Variants in PCCA observed in about 807,000 individuals in gnomAD.
PCCA encodes propionyl-CoA carboxylase alpha chain, mitochondrial.
Under a neutral mutation model 101.3 loss-of-function variants are expected in PCCA, and 74 were observed. The ratio of observed to expected loss-of-function variants is 0.73; its 90% CI spans 0.61 to 0.89. PCCA has a LOEUF of 0.89. Among genes scored for constraint, PCCA ranks in the 40% least tolerant of loss-of-function variants. The probability of loss-of-function intolerance (pLI) is 0.00; values close to 1 mark genes in which losing one functional copy is unlikely to be tolerated. For synonymous variants in PCCA, 294 were observed against 313.6 expected, an observed-to-expected ratio of 0.94 and a Z score of 0.66; for missense variants, 891 against 907.0, an observed-to-expected ratio of 0.98 and a Z score of 0.23.
chr13:100,173,101 A>G (rs536080127), intron 6 of PCCA, among the ~76,000 whole-genome samples: 2 of 152,278 alleles, frequency 1.3e-5, no homozygotes, highest in South Asian at 2.1e-4. Context: ...CAAAGGGACT[A>G]TATAAAGAGC....
At chr13:100,165,497 T>A (rs114159039) in intron 6 of PCCA, among the ~76,000 whole-genome samples, 1,765 of 151,822 alleles carry the variant, frequency 0.012, 42 homozygotes, top group African/African-American at 0.041. Flanking sequence ...AGTATTAATA[T>A]TTTTTCCCCT....
At chr13:100,255,361 A>C (rs1201688278) in intron 8 of PCCA, among the ~76,000 whole-genome samples, 1 of 152,202 alleles carries the variant, frequency 6.6e-6, no homozygotes, top group Non-Finnish European at 1.5e-5. Context: ...AGCAAGAATG[A>C]TTTCCATGTC....
chr13:100,260,459 C>T (rs553858433), intron 9 of PCCA, among the ~76,000 whole-genome samples: 7 of 148,898 alleles, frequency 4.7e-5, no homozygotes, highest in East Asian at 3.9e-4. Flanking sequence ...TGCAGTGGTG[C>T]GATCTCGGCT....
intron 7 of PCCA, among the ~76,000 whole-genome samples, chr13:100,216,217 G>C (rs915022599): frequency 2.6e-5 from 4 of 152,042 alleles, no homozygotes; most frequent in Non-Finnish European, 5.9e-5. Flanking sequence ...AAGTCATGTT[G>C]CTATCCTGGA....
intron 16 of PCCA, among the ~76,000 whole-genome samples, chr13:100,310,190 A>T (rs2066800425): frequency 6.6e-6 from 1 of 152,152 alleles, no homozygotes; most frequent in Non-Finnish European, 1.5e-5. Flanking sequence ...CTTTTTTCTT[A>T]CAGAAGTAAT....
rs555230527 is a variant in PCCA, at chr13:100,094,099, A to G, written c.105+4874A>G. 5.3e-5 allele frequency among the ~76,000 whole-genome samples: 8 copies of G among 151,296 alleles called. No individual in the cohort carries two copies. In the South Asian group the frequency reaches 1.7e-3, roughly 32 times the overall value. On this transcript the variant is annotated intron_variant, in intron 1 of 23. Transcript: ENST00000376285. ...CAAAATTAGCCGGGCATGGTGGCGCATGCCTGTAATCTCAGCTACTTGGGA... is the reference window on the plus strand; with the variant it reads ...CAAAATTAGCCGGGCATGGTGGCGCGTGCCTGTAATCTCAGCTACTTGGGA...
intron 1 of PCCA, among the ~76,000 whole-genome samples, chr13:100,090,917 G>C (rs1022483303): frequency 6.6e-6 from 1 of 152,128 alleles, no homozygotes; most frequent in African/African-American, 2.4e-5. Context: ...TGCTATCTAC[G>C]GTAAGGGAGT....
At chr13:100,477,517 G>C (rs746418227) in intron 21 of PCCA, 1 of 152,170 alleles carries the variant, frequency 6.6e-6, no homozygotes, top group Admixed American at 6.6e-5. Flanking sequence ...GTGCTCATTC[G>C]GGTAGTGCAG....
chr13:100,374,677 T>C (rs984067079), intron 19 of PCCA, among the ~76,000 whole-genome samples: 2 of 152,092 alleles, frequency 1.3e-5, no homozygotes, highest in African/African-American at 4.8e-5. Context: ...TAGTTAGAAA[T>C]TTGGCCTTCC....
intron 6 of PCCA, among the ~76,000 whole-genome samples, chr13:100,174,740 A>AT (rs2056072725): frequency 6.6e-6 from 1 of 151,344 alleles, no homozygotes; most frequent in African/African-American, 2.4e-5. Flanking sequence ...AAAAAAAAAA[A>AT]AGAAAAAAAA....
intron 21 of PCCA, among the ~76,000 whole-genome samples, chr13:100,509,826 T>TGTTTGTTTTG (rs1555326193): frequency 3.3e-5 from 5 of 149,568 alleles, no homozygotes; most frequent in East Asian, 4.0e-4. Flanking sequence ...TTTTGTGTTT[T>TGTTTGTTTTG]TTTTGTTTTG....
intron 12 of PCCA, among the ~76,000 whole-genome samples, chr13:100,277,761 T>C (rs926245426): frequency 6.6e-6 from 1 of 152,208 alleles, no homozygotes; most frequent in Admixed American, 6.5e-5. Flanking sequence ...TATTCTGCAG[T>C]GTAAGAGTAT....
rs183987106 is a variant in PCCA, at chr13:100,110,130, C to T, written c.184-1711C>T. Among the ~76,000 whole-genome samples, 334 of 152,150 alleles carry T rather than the reference C, an allele frequency of 2.2e-3. 1 individual carries two copies. The highest frequency in any genetic ancestry group is 7.6e-3 in the African/African-American group (317 of 41,450). ...CCTGGGCGACAGAGTGAGACTCCAT[C>T]TCAAAAAACAAACAAACAAACAAAC... On this transcript the variant is annotated intron_variant, in intron 2 of 23. Coordinates refer to ENST00000376285, the MANE Select transcript of PCCA (RefSeq NM_000282.4).
intron 19 of PCCA, among the ~76,000 whole-genome samples, chr13:100,369,895 T>C (rs1044964909): frequency 6.6e-6 from 1 of 151,878 alleles, no homozygotes; most frequent in African/African-American, 2.4e-5. Context: ...AATGTAGCAT[T>C]TTTTTTTCTG....
At chr13:100,495,802 C>CTT (rs2085233167) in intron 21 of PCCA, among the ~76,000 whole-genome samples, 1 of 152,178 alleles carries the variant, frequency 6.6e-6, no homozygotes, top group African/African-American at 2.4e-5. Flanking sequence ...AAAAGGAAAA[C>CTT]TTATTTTGAT....
intron 19 of PCCA, among the ~76,000 whole-genome samples, chr13:100,393,707 G>A (rs374681525): frequency 1.3e-5 from 2 of 151,984 alleles, no homozygotes; most frequent in African/African-American, 2.4e-5. Flanking sequence ...ATGAGTTACC[G>A]GACCCTGCCT....
chr13:100,325,827 G>A (rs1361774367), intron 16 of PCCA, among the ~76,000 whole-genome samples: 1 of 152,126 alleles, frequency 6.6e-6, no homozygotes, highest in Non-Finnish European at 1.5e-5. Context: ...TACTTTGCCA[G>A]TAAGGGGCTG....
At chr13:100,232,020 T>C (rs2060500067) in intron 7 of PCCA, among the ~76,000 whole-genome samples, 1 of 152,166 alleles carries the variant, frequency 6.6e-6, no homozygotes. Flanking sequence ...CAGTATATAC[T>C]TTATTTTGCT....
chr13:100,367,673 T>C (rs1261095902), intron 18 of PCCA, among the ~76,000 whole-genome samples: 1 of 149,666 alleles, frequency 6.7e-6, no homozygotes, highest in Non-Finnish European at 1.5e-5. Flanking sequence ...AAAATAATTA[T>C]ATCGGCCAGG....
Sources: gnomAD v4.1 joint callset for allele counts (sites outside exome capture counted in the v4.1 genomes callset) on GRCh38, gnomAD v4.1.1 for gene constraint, MANE v1.5 for transcripts, NCBI Gene and HGNC (gene_info 2026-07-23, HGNC 2026-07-21) for gene names.